The following PLD5 variants were observed in gnomAD, a reference collection of about 807,000 sequenced individuals.
The protein encoded by PLD5 is inactive phospholipase D5.
A neutral mutation model predicts 61.1 loss-of-function variants in PLD5; 36 were observed. The observed-to-expected ratio is 0.59, with a 90% CI of 0.45 to 0.78. The LOEUF (loss-of-function observed/expected upper bound fraction) is 0.78. Among genes scored for constraint, PLD5 ranks in the 30% least tolerant of loss-of-function variants. The pLI, the probability that PLD5 is intolerant of heterozygous loss-of-function variation, is 0.00. For synonymous variants in PLD5, 243 were observed against 242.8 expected (o/e 1.00, Z -0.01); for missense variants, 515 against 644.4 (o/e 0.80, Z 2.17).
intron 2 of PLD5, among the ~76,000 whole-genome samples, chr1:242,326,009 T>C (rs1400036001): frequency 2.0e-5 from 3 of 152,122 alleles, no homozygotes; most frequent in African/African-American, 7.2e-5. Context: ...CATCTCAGCC[T>C]CCCGAGTAGT....
intron 4 of PLD5, among the ~76,000 whole-genome samples, chr1:242,254,582 A>G (rs1672910466): frequency 6.6e-6 from 1 of 152,150 alleles, no homozygotes; most frequent in African/African-American, 2.4e-5. Flanking sequence ...AGGCAGAAGA[A>G]TCGCTTGAAA....
intron 2 of PLD5, among the ~76,000 whole-genome samples, chr1:242,317,036 C>A (rs1380657896): frequency 1.3e-5 from 2 of 149,370 alleles, no homozygotes. Flanking sequence ...GAGACAGAGT[C>A]TTGCTCTTTC....
chr1:242,176,360 T>C (rs1405408597), intron 5 of PLD5, among the ~76,000 whole-genome samples: 1 of 152,164 alleles, frequency 6.6e-6, no homozygotes, highest in Non-Finnish European at 1.5e-5. Context: ...TAATAAATGG[T>C]GTTGGGGAAA....
At chr1:242,454,839 GCCC>G (rs1185730286) in intron 1 of PLD5, among the ~76,000 whole-genome samples, 26 of 152,274 alleles carry the variant, frequency 1.7e-4, no homozygotes, top group Non-Finnish European at 3.4e-4. Context: ...CTGACCGGAT[GCCC>G]TGAATCTTTG....
At position 242,132,192 on chromosome 1, in the gene PLD5, CGGGGGGG is replaced by C. The variant is rs58312459; in HGVS notation, c.736-7534_736-7528del. On this transcript the variant is annotated intron_variant, in intron 5 of 9. Transcript: ENST00000536534. ...GTCATCAAAGAGAATGCAGTGATTG[CGGGGGGG>C]GGGGGGGGCGGAATCATTTTTAGCT... Among the ~76,000 whole-genome samples, 4 of 21,038 alleles carry C rather than the reference CGGGGGGG, an allele frequency of 1.9e-4. 1 individual carries two copies. Among genetic ancestry groups the C allele is most frequent in the Non-Finnish European group, 5.0e-4 (4 of 7,924 alleles). The allele number at this position is 21,038 out of a possible 152,430, so 13.8% of individuals were successfully genotyped here. A position where few individuals can be genotyped will look rare whatever the true frequency, so the allele number is the denominator to read the frequency against.
At chr1:242,218,627 A>C (rs967400287) in intron 5 of PLD5, among the ~76,000 whole-genome samples, 2 of 152,216 alleles carry the variant, frequency 1.3e-5, no homozygotes, top group Non-Finnish European at 2.9e-5. Context: ...GATTTTGTTA[A>C]AGAAAAGGGT....
intron 2 of PLD5, among the ~76,000 whole-genome samples, chr1:242,317,505 T>C (rs1359113379): frequency 2.0e-5 from 3 of 152,194 alleles, no homozygotes; most frequent in Non-Finnish European, 4.4e-5. Context: ...GTCTCTTCCC[T>C]TTCCTACATC....
chr1:242,110,247 A>G (rs2148694206), intron 7 of PLD5, among the ~76,000 whole-genome samples: 1 of 152,090 alleles, frequency 6.6e-6, no homozygotes, highest in East Asian at 1.9e-4. Context: ...AGGTCTACAA[A>G]TGTCAGGGCC....
At chr1:242,182,186 C>T (rs1012763727) in intron 5 of PLD5, among the ~76,000 whole-genome samples, 14 of 152,240 alleles carry the variant, frequency 9.2e-5, no homozygotes, top group African/African-American at 3.1e-4. Flanking sequence ...GATCTGGAAG[C>T]CCTGCAGCTC....
chr1:242,387,258 G>A (rs2149261076), intron 1 of PLD5, among the ~76,000 whole-genome samples: 1 of 152,256 alleles, frequency 6.6e-6, no homozygotes, highest in Middle Eastern at 3.4e-3. Context: ...ATTCTAAATT[G>A]TACATGTATT....
chr1:242,130,707 C>T (rs12746464), intron 5 of PLD5, among the ~76,000 whole-genome samples: 10,290 of 152,146 alleles, frequency 0.068, 456 homozygotes, highest in South Asian at 0.16. Flanking sequence ...CCTCTGTGGC[C>T]GACCACACGC....
chr1:242,503,713 C>A (rs542935755), intron 1 of PLD5, among the ~76,000 whole-genome samples: 197 of 152,172 alleles, frequency 1.3e-3, no homozygotes, highest in African/African-American at 3.9e-3. Context: ...GGGAAAGAGG[C>A]CTTAAGAAGC....
At chr1:242,457,480 T>G (rs970138957) in intron 1 of PLD5, among the ~76,000 whole-genome samples, 1 of 152,222 alleles carries the variant, frequency 6.6e-6, no homozygotes, top group Non-Finnish European at 1.5e-5. Context: ...ATCTAATATA[T>G]GGTCAAAAGT....
At chr1:242,265,163 T>C (rs1673591590) in intron 4 of PLD5, among the ~76,000 whole-genome samples, 174 bp downstream of exon 4, 1 of 152,228 alleles carries the variant, frequency 6.6e-6, no homozygotes, top group Non-Finnish European at 1.5e-5. Flanking sequence ...CCCAATATAT[T>C]AATTAGTTCC....
rs190358008 is a variant in PLD5, at chr1:242,490,265, G to A, written c.189+33823C>T. Among the ~76,000 whole-genome samples, 13 of 152,268 alleles carry A rather than the reference G, an allele frequency of 8.5e-5. No individual in the cohort carries two copies. In the East Asian group the frequency reaches 2.3e-3, roughly 27 times the overall value. ...ACCAGAAGTTCGTTTCTTACCACAC[G>A]GCTTTTATGTAGTCATTTGTAATAA... On this transcript the variant is annotated intron_variant, in intron 1 of 9. Coordinates refer to ENST00000536534, the MANE Select transcript of PLD5 (RefSeq NM_001372062.1).
intron 5 of PLD5, among the ~76,000 whole-genome samples, chr1:242,184,322 G>T (rs1222007536): frequency 1.3e-5 from 2 of 152,174 alleles, no homozygotes; most frequent in Non-Finnish European, 2.9e-5. Context: ...TTGCTGTGGT[G>T]CCCCAGGCTC....
intron 1 of PLD5, among the ~76,000 whole-genome samples, chr1:242,481,629 G>A (rs867760843): frequency 1.3e-5 from 2 of 152,196 alleles, no homozygotes; most frequent in Non-Finnish European, 2.9e-5. Flanking sequence ...CTGCACCTCT[G>A]GGGGCAGGGC....
At chr1:242,469,516 A>G (rs1420409916) in intron 1 of PLD5, among the ~76,000 whole-genome samples, 1 of 152,052 alleles carries the variant, frequency 6.6e-6, no homozygotes, top group Non-Finnish European at 1.5e-5. Flanking sequence ...ATGTATTTGT[A>G]AAAGCTTTGT....
At chr1:242,213,413 A>G (rs1669953172) in intron 5 of PLD5, among the ~76,000 whole-genome samples, 1 of 152,292 alleles carries the variant, frequency 6.6e-6, no homozygotes, top group Non-Finnish European at 1.5e-5. Context: ...TTAAATCGAC[A>G]TACCTCTGTC....
Sources: allele counts gnomAD v4.1 joint callset (sites outside exome capture counted in the v4.1 genomes callset), GRCh38; gene constraint gnomAD v4.1.1; transcripts MANE v1.5; gene names NCBI Gene and HGNC (gene_info 2026-07-23, HGNC 2026-07-21).